The following ZDHHC11B variants were observed in gnomAD, a reference collection of about 807,000 sequenced individuals.
ZDHHC11B encodes zDHHC palmitoyltransferase 11B (putative), also known as probable palmitoyltransferase ZDHHC11B.
Under a neutral mutation model 42.3 loss-of-function variants are expected in ZDHHC11B, and 17 were observed. That is an observed-to-expected ratio of 0.40 (90% CI 0.27 to 0.60). The LOEUF is 0.60. Among genes scored for constraint, ZDHHC11B ranks in the 20% least tolerant of loss-of-function variants. ZDHHC11B has a pLI of 0.41. For synonymous variants in ZDHHC11B, 123 were observed against 193.5 expected (o/e 0.64, Z 3.02); for missense variants, 262 against 463.2 (o/e 0.57, Z 3.99).
intron 11 of ZDHHC11B, chr5:732,671 C>T (rs1308125757): frequency 8.9e-6 from 4 of 449,988 alleles, no homozygotes; most frequent in Non-Finnish European, 1.8e-5. Context: ...GGCCCTGCCC[C>T]CACAGGGAAG....
At chr5:722,740 C>A (rs1742282234) in intron 12 of ZDHHC11B, among the ~76,000 whole-genome samples, 1 of 151,352 alleles carries the variant, frequency 6.6e-6, no homozygotes, top group South Asian at 2.1e-4. Flanking sequence ...AAACTGGAAG[C>A]CATCTCCATG....
At chr5:780,712 A>C (rs1736894903) in intron 1 of ZDHHC11B, among the ~76,000 whole-genome samples, 1 of 149,156 alleles carries the variant, frequency 6.7e-6, no homozygotes, top group Non-Finnish European at 1.5e-5. Flanking sequence ...ACACGTGGGC[A>C]CTGGCGAAGG....
At chr5:777,676 C>CA (rs1193871322) in intron 1 of ZDHHC11B, among the ~76,000 whole-genome samples, 1 of 151,956 alleles carries the variant, frequency 6.6e-6, no homozygotes, top group African/African-American at 2.4e-5. Flanking sequence ...TCCATTTTGA[C>CA]AGAGTGCTGA....
At position 745,302 on chromosome 5, in the gene ZDHHC11B, G is replaced by A. The variant is rs1579318059; in HGVS notation, c.785-4C>T. ...AAGGTGGTCATCTTCTTGGCCTCTGGAAAGGGAAAAGGAGGAACAGGACAA... is the reference window on the plus strand; with the variant it reads ...AAGGTGGTCATCTTCTTGGCCTCTGAAAAGGGAAAAGGAGGAACAGGACAA... On this transcript the variant is annotated splice_region_variant and splice_polypyrimidine_tract_variant and intron_variant, in intron 8 of 13. Coordinates refer to ENST00000508859, the MANE Select transcript of ZDHHC11B (RefSeq NM_001351303.2). 3.1e-6 allele frequency: 5 copies of A among 1,602,624 alleles called. No individual in the cohort carries two copies. In the East Asian group the frequency reaches 1.1e-4, roughly 36 times the overall value.
chr5:775,063 C>G (rs964813584), intron 1 of ZDHHC11B, among the ~76,000 whole-genome samples: 24 of 151,910 alleles, frequency 1.6e-4, no homozygotes, highest in Admixed American at 1.3e-4. Flanking sequence ...GCTACTACCC[C>G]TCAGCTCATC....
intron 12 of ZDHHC11B, among the ~76,000 whole-genome samples, chr5:717,308 T>C (rs1321782180): frequency 6.6e-6 from 1 of 151,662 alleles, no homozygotes; most frequent in African/African-American, 2.4e-5. Flanking sequence ...TGAGTACAGG[T>C]GTTTTGTTCT....
intron 1 of ZDHHC11B, among the ~76,000 whole-genome samples, chr5:770,275 T>C (rs1735897725): frequency 6.7e-6 from 1 of 150,118 alleles, no homozygotes; most frequent in Non-Finnish European, 1.5e-5. Flanking sequence ...CCTCAGACCC[T>C]TGGAGCCAGC....
intron 1 of ZDHHC11B, among the ~76,000 whole-genome samples, chr5:771,297 C>T (rs1266202051): frequency 2.6e-5 from 4 of 151,610 alleles, no homozygotes; most frequent in South Asian, 2.1e-4. Context: ...CCAAAACAGC[C>T]GGAAAAAAAT....
intron 10 of ZDHHC11B, among the ~76,000 whole-genome samples, chr5:736,157 C>A (rs1270357964): frequency 7.4e-5 from 11 of 149,354 alleles, no homozygotes; most frequent in Non-Finnish European, 1.3e-4. Context: ...CAACAGCAGG[C>A]AGGAGGAACT....
intron 1 of ZDHHC11B, among the ~76,000 whole-genome samples, chr5:774,693 G>C (rs1208268077): frequency 6.7e-6 from 1 of 149,340 alleles, no homozygotes; most frequent in Non-Finnish European, 1.5e-5. Flanking sequence ...ACTAGGACCT[G>C]GGGTCTGTCA....
At chr5:739,159 G>C (rs1251202123) in intron 10 of ZDHHC11B, among the ~76,000 whole-genome samples, 1 of 150,570 alleles carries the variant, frequency 6.6e-6, no homozygotes, top group Non-Finnish European at 1.5e-5. Context: ...AGTCCTTACA[G>C]AGGCTGGGGC....
chr5:777,951 TC>T (rs1390414640), intron 1 of ZDHHC11B, among the ~76,000 whole-genome samples: 1 of 151,650 alleles, frequency 6.6e-6, no homozygotes, highest in Non-Finnish European at 1.5e-5. Flanking sequence ...GGTCGGCGGG[TC>T]CCGAGCCCTG....
intron 12 of ZDHHC11B, among the ~76,000 whole-genome samples, chr5:728,300 C>G (rs1475848355): frequency 1.3e-5 from 2 of 151,918 alleles, no homozygotes; most frequent in African/African-American, 2.4e-5. Flanking sequence ...TTGTTTAAAC[C>G]TTTTGGTAAA....
chr5:744,202 C>G (rs1744485424), intron 9 of ZDHHC11B, among the ~76,000 whole-genome samples: 1 of 149,824 alleles, frequency 6.7e-6, no homozygotes, highest in Non-Finnish European at 1.5e-5. Context: ...CACAGTCCTG[C>G]CCCATGCTGC....
At chr5:767,242 G>T in intron 3 of ZDHHC11B, 150 bp downstream of exon 3, 2 of 994,934 alleles carry the variant, frequency 2.0e-6, no homozygotes, top group South Asian at 1.6e-5. Context: ...CTGGGTGGAT[G>T]ACTGAAAGCA....
chr5:744,124 C>T (rs1464049717), intron 9 of ZDHHC11B, among the ~76,000 whole-genome samples: 6 of 149,890 alleles, frequency 4.0e-5, no homozygotes, highest in African/African-American at 7.4e-5. Context: ...AGGTGCTGAG[C>T]TGTAGTAATT....
chr5:733,255 C>T (rs1268113010), intron 11 of ZDHHC11B, among the ~76,000 whole-genome samples: 5 of 151,046 alleles, frequency 3.3e-5, no homozygotes, highest in Middle Eastern at 3.4e-3. Flanking sequence ...CACATAACCA[C>T]ACCCCCCCAC....
chr5:780,753 C>T (rs1179674798), intron 1 of ZDHHC11B, among the ~76,000 whole-genome samples: 4 of 151,536 alleles, frequency 2.6e-5, no homozygotes, highest in Non-Finnish European at 5.9e-5. Context: ...GGAGGTGAGG[C>T]TGAGATGAGC....
chr5:716,596 T>G (rs1741767675), intron 13 of ZDHHC11B, among the ~76,000 whole-genome samples: 1 of 151,836 alleles, frequency 6.6e-6, no homozygotes, highest in Non-Finnish European at 1.5e-5. Flanking sequence ...GATGAATTGA[T>G]ACTCTCACAG....
Sources: allele counts gnomAD v4.1 joint callset (sites outside exome capture counted in the v4.1 genomes callset), GRCh38; gene constraint gnomAD v4.1.1; transcripts MANE v1.5; gene names NCBI Gene and HGNC (gene_info 2026-07-23, HGNC 2026-07-21).